CHD6: variants seen among roughly 807,000 people sequenced by gnomAD.
CHD6 encodes the protein ATP-dependent chromatin remodeler CHD6.
In CHD6, 50 loss-of-function variants were observed where a neutral mutation model predicts 276.9. The observed-to-expected ratio is 0.18, with a 90% CI of 0.14 to 0.23. CHD6 has a LOEUF of 0.23. Among genes scored for constraint, CHD6 ranks in the 10% least tolerant of loss-of-function variants. The pLI, the probability that CHD6 is intolerant of heterozygous loss-of-function variation, is 1.00. For missense variants in CHD6, 2,564 were observed against 3,365.8 expected (o/e 0.76, Z 5.89); for synonymous variants, 1,173 against 1,229.3 (o/e 0.95, Z 0.96).
At chr20:41,427,767 A>G (rs1569067470) in intron 27 of CHD6, among the ~76,000 whole-genome samples, 2 of 152,204 alleles carry the variant, frequency 1.3e-5, no homozygotes, top group African/African-American at 4.8e-5. Flanking sequence ...TACCATTTTG[A>G]AGTGGCAGTT....
At chr20:41,497,120 TCTC>T in intron 8 of CHD6, 1 of 394,922 alleles carries the variant, frequency 2.5e-6, no homozygotes, top group Non-Finnish European at 4.7e-6. Context: ...TGCGTATTCC[TCTC>T]ACTCTAGCTA....
rs1426624298 is a variant in CHD6, at chr20:41,488,497, T to C, written c.1788A>G (p.Ile596Met). The change falls in exon 13 of 37, where the codon ATA becomes ATG. Residue 596 changes from isoleucine to methionine, a missense_variant. By Grantham distance (10) the Ile-to-Met change is conservative. Transcript: ENST00000373233. ...ELKKIHWSCV[I>M]IDEAHRLKNR... The stretch of plus-strand genomic sequence containing the variant: ...TCTTCAGTCTGTGGGCTTCATCAAT[T>C]ATCACACAGCTCCAGTGAATCTTCT... The C allele has an allele frequency of 6.2e-7, 1 of 1,613,962 alleles. No homozygotes were observed. Among genetic ancestry groups the C allele is most frequent in the Non-Finnish European group, 8.5e-7 (1 of 1,179,882 alleles).
intron 1 of CHD6, among the ~76,000 whole-genome samples, chr20:41,599,859 T>C (rs778673582): frequency 5.6e-4 from 85 of 152,310 alleles, no homozygotes; most frequent in Middle Eastern, 3.4e-3. Flanking sequence ...CCCGCCTAAT[T>C]GGCCTTATTC....
intron 1 of CHD6, among the ~76,000 whole-genome samples, chr20:41,580,688 A>G (rs145288983): frequency 3.3e-5 from 5 of 151,550 alleles, no homozygotes; most frequent in African/African-American, 1.2e-4. Flanking sequence ...AAATACATCT[A>G]TTGAACATGT....
chr20:41,407,438 GGA>G (rs1051940862), intron 36 of CHD6, among the ~76,000 whole-genome samples: 3 of 152,200 alleles, frequency 2.0e-5, no homozygotes, highest in Admixed American at 6.5e-5. Context: ...GGGAAGCTGA[GGA>G]TATCTCTGGG....
chr20:41,509,051 A>G (rs1601039643), intron 5 of CHD6, among the ~76,000 whole-genome samples: 2 of 152,270 alleles, frequency 1.3e-5, no homozygotes, highest in East Asian at 3.9e-4. Context: ...CAAAAATTAC[A>G]ATAAATTAAA....
rs1372353416 is a variant in CHD6, at chr20:41,511,249, G to A, written c.852+1597C>T. On this transcript the variant is annotated intron_variant, in intron 5 of 36. Coordinates refer to ENST00000373233, the MANE Select transcript of CHD6 (RefSeq NM_032221.5). ...AGGAGGAACGACAGATATTTGTGCT[G>A]CTACTGCTCCATACAGTGTGAATTC... Among the ~76,000 whole-genome samples, 18 of 152,210 alleles carry A rather than the reference G, an allele frequency of 1.2e-4. 1 individual carries two copies. Among genetic ancestry groups the A allele is most frequent in the Admixed American group, 1.2e-3 (18 of 15,276 alleles).
chr20:41,603,750 C>G (rs1050347224), intron 1 of CHD6, among the ~76,000 whole-genome samples: 12 of 151,990 alleles, frequency 7.9e-5, no homozygotes, highest in African/African-American at 2.9e-4. Flanking sequence ...ACCTGTAATC[C>G]CAGCTACTTG....
chr20:41,551,762 A>C (rs185942436), intron 1 of CHD6, among the ~76,000 whole-genome samples: 123 of 152,330 alleles, frequency 8.1e-4, no homozygotes, highest in African/African-American at 2.9e-3. Flanking sequence ...ACAATGGAAA[A>C]ATCAAGAAAG....
At chr20:41,483,593 C>T in intron 15 of CHD6, 74 bp from the exon 16 acceptor site, 1 of 1,145,376 alleles carries the variant, frequency 8.7e-7, no homozygotes, top group Non-Finnish European at 1.2e-6. Context: ...TTTACAGATC[C>T]TGGGAAAAAT....
chr20:41,587,097 G>A (rs1363464690), intron 1 of CHD6, among the ~76,000 whole-genome samples: 1 of 152,084 alleles, frequency 6.6e-6, no homozygotes, highest in Non-Finnish European at 1.5e-5. Context: ...AGAGCTTCTA[G>A]AACTATAATT....
At chr20:41,577,774 C>A (rs1232327465) in intron 1 of CHD6, among the ~76,000 whole-genome samples, 1 of 152,220 alleles carries the variant, frequency 6.6e-6, no homozygotes, top group Non-Finnish European at 1.5e-5. Context: ...ACTAGACAAT[C>A]CATTCTCTCC....
chr20:41,599,176 T>C lies in CHD6; in HGVS notation c.-24+19164A>G, dbSNP rs569841583. On this transcript the variant is annotated intron_variant, in intron 1 of 36. Coordinates refer to ENST00000373233, the MANE Select transcript of CHD6 (RefSeq NM_032221.5). ...GCCATTAAAGGAATAGCTGAACAAT[T>C]AGGTCCTAACAGCCAAATGGCTTGG... 1.2e-4 allele frequency among the ~76,000 whole-genome samples: 18 copies of C among 152,302 alleles called. No individual in the cohort carries two copies. The South Asian group carries it at 3.3e-3, about 28-fold the overall frequency.
chr20:41,491,070 C>T (rs571375347), intron 11 of CHD6, among the ~76,000 whole-genome samples: 3 of 151,980 alleles, frequency 2.0e-5, no homozygotes, highest in Middle Eastern at 3.4e-3. Context: ...ATGTGAAGGC[C>T]GAGGACATTA....
chr20:41,551,712 A>T (rs1011583253), intron 1 of CHD6, among the ~76,000 whole-genome samples: 1 of 152,228 alleles, frequency 6.6e-6, no homozygotes, highest in African/African-American at 2.4e-5. Flanking sequence ...AAGTAAGGTA[A>T]GCCCTCATCC....
At chr20:41,562,082 CTCTAATTT>C (rs1380210465) in intron 1 of CHD6, among the ~76,000 whole-genome samples, 2 of 151,150 alleles carry the variant, frequency 1.3e-5, no homozygotes, top group Non-Finnish European at 2.9e-5. Flanking sequence ...TTGGCTGTAC[CTCTAATTT>C]TCTGTCTCAT....
rs1287605791 is a variant in CHD6 at position 41,473,653 on chromosome 20, G to C, written c.2469-136C>G. On this transcript the variant is annotated intron_variant, in intron 16 of 36. Coordinates refer to ENST00000373233, the MANE Select transcript of CHD6 (RefSeq NM_032221.5). The surrounding 1 kb of genome is among the most constrained non-coding windows in gnomAD (Gnocchi z 4.1). ...ATTTGGACCAAATGACAGCAGTCTA[G>C]AAGGAATCCTGCCCCCTACATATGC... The C allele has an allele frequency of 1.5e-6, 1 of 670,886 alleles. No homozygotes were observed. The highest frequency in any genetic ancestry group is 1.8e-5 in the African/African-American group (1 of 55,416). The allele number at this position is 670,886 out of a possible 1,614,324, so 41.6% of individuals were successfully genotyped here. A position where few individuals can be genotyped will look rare whatever the true frequency, so the allele number is the denominator to read the frequency against.
At chr20:41,500,135 T>C (rs939997980) in intron 5 of CHD6, among the ~76,000 whole-genome samples, 2 of 152,308 alleles carry the variant, frequency 1.3e-5, no homozygotes, top group African/African-American at 2.4e-5. Context: ...GTGGTTCATA[T>C]GCACAATGAC....
chr20:41,570,062 AC>A (rs906688317), intron 1 of CHD6, among the ~76,000 whole-genome samples: 86 of 152,350 alleles, frequency 5.6e-4, no homozygotes, highest in Admixed American at 2.7e-3. Flanking sequence ...TTGGAGTACA[AC>A]AAATTTCCAA....
Sources: allele counts gnomAD v4.1 joint callset (sites outside exome capture counted in the v4.1 genomes callset), GRCh38; gene constraint gnomAD v4.1.1; non-coding constraint Gnocchi (gnomAD v3.1); transcripts MANE v1.5; gene names NCBI Gene and HGNC (gene_info 2026-07-23, HGNC 2026-07-21).